ZNF511: variants seen among roughly 807,000 people sequenced by gnomAD.
ZNF511 encodes the protein zinc finger protein 511.
In ZNF511, 26 loss-of-function variants were observed where a neutral mutation model predicts 24.8. The observed-to-expected ratio is 1.05, with a 90% confidence interval of 0.77 to 1.46. The LOEUF is 1.46. ZNF511 is among the 40% of genes most tolerant of loss of function. ZNF511 has a pLI of 0.00. For missense variants in ZNF511, 358 were observed against 345.0 expected (o/e 1.04, Z -0.30); for synonymous variants, 144 against 139.6 (o/e 1.03, Z -0.22).
chr10:133,309,245 G>T, intron 1 of ZNF511, 145 bp from the exon 2 acceptor site: 1 of 1,336,908 alleles, frequency 7.5e-7, no homozygotes, highest in Non-Finnish European at 1.0e-6. Context: ...GGTGGGGCGG[G>T]GCCGGAACGT....
intron 4 of ZNF511, among the ~76,000 whole-genome samples, chr10:133,310,806 CTT>C (rs1325729212): frequency 6.8e-6 from 1 of 146,116 alleles, no homozygotes; most frequent in Non-Finnish European, 1.5e-5. Flanking sequence ...CAGGAACAAT[CTT>C]TTTTTTTTTT....
chr10:133,309,708 CTG>C (rs1282935536), intron 2 of ZNF511, 66 bp from the exon 3 acceptor site: 15 of 1,570,678 alleles, frequency 9.6e-6, no homozygotes, highest in African/African-American at 2.7e-5. Context: ...CAAAGGGAAA[CTG>C]TGCAGAAAGT....
rs771265081 is a variant in ZNF511 at position 133,312,825 on chromosome 10, C to G, written c.718C>G (p.Arg240Gly). ...STICFGQGAA[R>G]GFKSNKKKTK... ...CATCTGCTTTGGTCAGGGTGCCGCTCGAGGATTTAAAAGCAACAAGAAGAA... is the reference window on the plus strand; with the variant it reads ...CATCTGCTTTGGTCAGGGTGCCGCTGGAGGATTTAAAAGCAACAAGAAGAA... The change falls in exon 6 of 6, where the codon CGA becomes GGA. Residue 240 changes from arginine (R) to glycine (G), a missense_variant. Physicochemically the swap from Arg to Gly is moderately radical, Grantham distance 125. Coordinates refer to ENST00000361518, the MANE Select transcript of ZNF511 (RefSeq NM_145806.4). The G allele has an allele frequency of 3.2e-5, 51 of 1,614,200 alleles. No individual in the cohort carries two copies. Among genetic ancestry groups the G allele is most frequent in the Middle Eastern group, 3.3e-4 (2 of 6,062 alleles).
At chr10:133,312,105 G>A in intron 5 of ZNF511, 1 of 1,445,792 alleles carries the variant, frequency 6.9e-7, no homozygotes, top group Non-Finnish European at 9.0e-7. Context: ...TGAGTGGGAT[G>A]GAAAGAGTCT....
chr10:133,308,974 C>G lies in ZNF511; in HGVS notation c.31C>G (p.Leu11Val). ...GTTGCCCCCCGCGCTGTGCGCCCGC[C>G]TCGCTGCGGGGCCCGGGGCGGCGGA... Reference protein sequence around the residue: MQLPPALCARLAAGPGAAEPL... With the variant: MQLPPALCARVAAGPGAAEPL... Residue 11 changes from leucine to valine, a missense_variant, in exon 1 of 6, where the codon CTC (leucine) becomes GTC (valine). Physicochemically the swap from Leu to Val is conservative, Grantham distance 32 (BLOSUM62 1). Coordinates refer to ENST00000361518, the MANE Select transcript of ZNF511 (RefSeq NM_145806.4). 4.8e-6 allele frequency: 6 copies of G among 1,243,692 alleles called. No homozygotes were observed. Among genetic ancestry groups the G allele is most frequent in the Non-Finnish European group, 6.1e-6 (6 of 986,518 alleles). The allele number at this position is 1,243,692 out of a possible 1,614,324, so 77.0% of individuals were successfully genotyped here. A position where few individuals can be genotyped will look rare whatever the true frequency, so the allele number is the denominator to read the frequency against.
At chr10:133,309,156 G>A in intron 1 of ZNF511, 60 bp downstream of exon 1, 11 of 1,379,226 alleles carry the variant, frequency 8.0e-6, no homozygotes, top group Non-Finnish European at 1.0e-5. Context: ...ACGGCGGCGA[G>A]GCGGGGCCGG....
chr10:133,310,431 T>C, intron 4 of ZNF511, 143 bp downstream of exon 4: 1 of 1,062,606 alleles, frequency 9.4e-7, no homozygotes, highest in Non-Finnish European at 1.3e-6. Context: ...CCTGAAGCCC[T>C]GGCAACACAG....
rs75439362 is a variant in ZNF511 at position 133,310,190 on chromosome 10, A to C, written c.456A>C (p.Thr152=). ...DMYQCLVEGC[T]EKFKTSRDRK... ...ATCAGTGCTTGGTAGAAGGCTGCACAGAGAAGTTCAAGACCAGCAGAGACC... is the reference window on the plus strand; with the variant it reads ...ATCAGTGCTTGGTAGAAGGCTGCACCGAGAAGTTCAAGACCAGCAGAGACC... Residue 152 remains threonine (T), a synonymous_variant, in exon 4 of 6, where the codon ACA becomes ACC. Transcript: ENST00000361518. 1 of 1,614,034 alleles carries C rather than the reference A, an allele frequency of 6.2e-7. No homozygotes were observed. The highest frequency in any genetic ancestry group is 8.5e-7 in the Non-Finnish European group (1 of 1,180,040).
chr10:133,312,646 C>T, intron 5 of ZNF511, 142 bp from the exon 6 acceptor site: 3 of 1,536,392 alleles, frequency 2.0e-6, no homozygotes, highest in East Asian at 2.3e-5. Context: ...AAGGGAGCTG[C>T]CCCAGGGCCC....
intron 2 of ZNF511, 144 bp from the exon 3 acceptor site, chr10:133,309,632 G>A (rs1847941284): frequency 3.2e-6 from 4 of 1,266,096 alleles, no homozygotes; most frequent in Non-Finnish European, 4.5e-6. Context: ...GCCTGTTTGT[G>A]AAACTTAATT....
At chr10:133,310,030 A>G in intron 3 of ZNF511, 53 bp downstream of exon 3, 2 of 1,609,876 alleles carry the variant, frequency 1.2e-6, no homozygotes, top group Non-Finnish European at 1.7e-6. Flanking sequence ...TGATGGGCTC[A>G]GAGTGCTGCC....
chr10:133,312,067 C>T, intron 5 of ZNF511: 1 of 1,468,342 alleles, frequency 6.8e-7, no homozygotes, highest in South Asian at 1.4e-5. Context: ...GCAGGAATGC[C>T]AAGCACCACT....
In ZNF511 at chr10:133,308,949, G is replaced by A. The variant is rs1205316551; in HGVS notation, c.6G>A (p.Gln2=). Residue 2 remains glutamine (Q), a synonymous_variant, in exon 1 of 6, where the codon CAG becomes CAA. Transcript: ENST00000361518. M[Q]LPPALCARLA... ...GCCCGCCCGCGCCCGGGGTGATGCA[G>A]TTGCCCCCCGCGCTGTGCGCCCGCC... The A allele has an allele frequency of 4.1e-6, 5 of 1,232,822 alleles. No homozygotes were observed. The highest frequency in any genetic ancestry group is 4.1e-6 in the Non-Finnish European group (4 of 981,732). The allele number at this position is 1,232,822 out of a possible 1,614,324, so 76.4% of individuals were successfully genotyped here.
chr10:133,308,963 T>A lies in ZNF511; in HGVS notation c.20T>A (p.Leu7Gln), dbSNP rs1847908788. 2.4e-6 allele frequency: 3 copies of A among 1,240,496 alleles called. No individual in the cohort carries two copies. The allele number at this position is 1,240,496 out of a possible 1,614,324, so 76.8% of individuals were successfully genotyped here. A position where few individuals can be genotyped will look rare whatever the true frequency, so the allele number is the denominator to read the frequency against. Residue 7 changes from leucine to glutamine, a missense_variant, in exon 1 of 6, where the codon CTG (leucine) becomes CAG (glutamine). Coordinates refer to ENST00000361518, the MANE Select transcript of ZNF511 (RefSeq NM_145806.4). MQLPPA[L>Q]CARLAAGPGA... is the part of the protein sequence containing the mutation. ...GGGGTGATGCAGTTGCCCCCCGCGCTGTGCGCCCGCCTCGCTGCGGGGCCC... is the reference window on the plus strand; with the variant it reads ...GGGGTGATGCAGTTGCCCCCCGCGCAGTGCGCCCGCCTCGCTGCGGGGCCC...
intron 5 of ZNF511, 62 bp from the exon 6 acceptor site, chr10:133,312,726 G>C: frequency 1.2e-6 from 2 of 1,612,996 alleles, no homozygotes; most frequent in East Asian, 2.2e-5. Flanking sequence ...CACAAGTGCT[G>C]TTATGACCTG....
At chr10:133,311,643 C>A (rs759358954) in intron 4 of ZNF511, 73 bp from the exon 5 acceptor site, 15 of 1,294,400 alleles carry the variant, frequency 1.2e-5, no homozygotes, top group Non-Finnish European at 1.6e-5. Context: ...TTCTTTCTTG[C>A]ATGTTCATTT....
In ZNF511 at chr10:133,312,709, G is replaced by A. The variant is rs553935984; in HGVS notation, c.681-79G>A. 2.1e-4 allele frequency: 341 copies of A among 1,606,354 alleles called. 2 individuals are homozygous for A. The highest frequency in any genetic ancestry group is 8.6e-4 in the African/African-American group (64 of 74,796). ...TTCCCAGAGTGAAAGAGAATGAGAAGGAGACACACAAGTGCTGTTATGACC... is the reference window on the plus strand; with the variant it reads ...TTCCCAGAGTGAAAGAGAATGAGAAAGAGACACACAAGTGCTGTTATGACC... On this transcript the variant is annotated intron_variant, in intron 5 of 5. Transcript: ENST00000361518.
chr10:133,310,155 C>T lies in ZNF511; in HGVS notation c.430-9C>T, dbSNP rs759362977. 14 of 1,613,592 alleles carry T rather than the reference C, an allele frequency of 8.7e-6. No individual in the cohort carries two copies. The highest frequency in any genetic ancestry group is 5.0e-5 in the Admixed American group (3 of 59,990). ...GGGTCAGAGGGAGGTGACACGGTCT[C>T]CATTTCAGTATCAGTGCTTGGTAGA... is the stretch of plus-strand genomic sequence containing the variant. On this transcript the variant is annotated splice_polypyrimidine_tract_variant and intron_variant, in intron 3 of 5. Coordinates refer to ENST00000361518, the MANE Select transcript of ZNF511 (RefSeq NM_145806.4).
Position 133,311,740 on chromosome 10 carries a change from G to T in ZNF511, c.579G>T (p.Gly193=), listed in dbSNP as rs756019334. ...SRSPASAEAP[G]DSGERSEGEA... is the part of the protein sequence containing the mutation. ...GCCCAGCCTCAGCAGAAGCCCCAGG[G>T]GACAGTGGAGAGCGGTCAGAAGGGG... The change falls in exon 5 of 6, where the codon GGG becomes GGT. Residue 193 remains glycine, a synonymous_variant. Transcript: ENST00000361518. 6.2e-7 allele frequency: 1 copy of T among 1,613,592 alleles called. No homozygotes were observed.
Sources: gnomAD v4.1 joint callset for allele counts (sites outside exome capture counted in the v4.1 genomes callset) on GRCh38, gnomAD v4.1.1 for gene constraint, MANE v1.5 for transcripts, NCBI Gene and HGNC (gene_info 2026-07-23, HGNC 2026-07-21) for gene names.